LRP2: variants seen among roughly 807,000 people sequenced by gnomAD.
LRP2 encodes LDL receptor related protein 2.
In LRP2, 172 loss-of-function variants were observed where a neutral mutation model predicts 531.0. The ratio of observed to expected loss-of-function variants is 0.32; its 90% CI spans 0.29 to 0.37. The LOEUF is 0.37. LRP2 is among the 10% of genes least tolerant of loss of function. The pLI is 1.00. For synonymous variants in LRP2, 1,992 were observed against 2,027.6 expected (o/e 0.98, Z 0.47); for missense variants, 5,167 against 5,868.3 (o/e 0.88, Z 3.90).
At chr2:169,277,351 A>C (rs371925347) in intron 13 of LRP2, among the ~76,000 whole-genome samples, 1 of 152,218 alleles carries the variant, frequency 6.6e-6, no homozygotes, top group African/African-American at 2.4e-5. Flanking sequence ...AGTAGGCAAC[A>C]TCAAATACCT....
In LRP2 at chr2:169,241,299, G is replaced by A. The variant is rs748030992; in HGVS notation, c.3734C>T (p.Pro1245Leu). ...ATGCCCATCACATTCCCAGAAGTTC[G>A]GGATGCAGATACCATCTTCTTGGCA... is the stretch of plus-strand genomic sequence containing the variant. The part of the protein sequence containing the change: ...FQCQEDGICI[P>L]NFWECDGHPD... The change falls in exon 25 of 79, where the codon CCG becomes CTG. Residue 1245 changes from proline to leucine, a missense_variant. By Grantham distance (98) the Pro-to-Leu change is moderately conservative (BLOSUM62 -3). Coordinates refer to ENST00000649046, the MANE Select transcript of LRP2 (RefSeq NM_004525.3). The A allele has an allele frequency of 1.7e-5, 28 of 1,614,130 alleles. No homozygotes were observed. Among genetic ancestry groups the A allele is most frequent in the East Asian group, 1.6e-4 (7 of 44,876 alleles).
intron 77 of LRP2, 101 bp downstream of exon 77, chr2:169,132,473 A>G: frequency 1.3e-6 from 1 of 763,820 alleles, no homozygotes; most frequent in Non-Finnish European, 2.4e-6. Context: ...GAGATCTTTG[A>G]GCCTTCCAGA....
intron 41 of LRP2, among the ~76,000 whole-genome samples, chr2:169,205,140 GC>G (rs1312708491): frequency 6.6e-6 from 1 of 151,868 alleles, no homozygotes. Flanking sequence ...AGATTTTATA[GC>G]AGTTACCTAG....
intron 37 of LRP2, among the ~76,000 whole-genome samples, chr2:169,211,735 A>G (rs1448323458): frequency 5.9e-5 from 9 of 152,168 alleles, no homozygotes; most frequent in Non-Finnish European, 1.2e-4. Context: ...CTAGACTACA[A>G]AATCAGAAAA....
chr2:169,232,702 G>A (rs989875000), intron 30 of LRP2, among the ~76,000 whole-genome samples: 30 of 152,148 alleles, frequency 2.0e-4, no homozygotes, highest in African/African-American at 7.0e-4. Flanking sequence ...CAGAGATCTG[G>A]AAGAGAGATG....
At position 169,284,256 on chromosome 2, in the gene LRP2, CTTTTT is replaced by C. The variant is rs1216987363; in HGVS notation, c.1043-1260_1043-1256del. 9.3e-5 allele frequency among the ~76,000 whole-genome samples: 9 copies of C among 96,650 alleles called. No homozygotes were observed. The East Asian group carries it at 1.1e-3, about 12-fold the overall frequency. 63.4% of individuals were successfully genotyped at this position (96,650 alleles called of 152,430 possible). On this transcript the variant is annotated intron_variant, in intron 9 of 78. Transcript: ENST00000649046. ...CTTTTCTTTTCTTTTTCTTTTTTTT[CTTTTT>C]TTTTTTTTTTTTTTTTTTTTTGAGA...
chr2:169,195,430 G>A (rs1687973455), intron 46 of LRP2, among the ~76,000 whole-genome samples: 2 of 152,116 alleles, frequency 1.3e-5, no homozygotes, highest in Admixed American at 6.5e-5. Flanking sequence ...TTTGAGGAGT[G>A]AGGGGATTGG....
intron 55 of LRP2, 21 bp downstream of exon 55, chr2:169,175,172 G>T: frequency 6.2e-7 from 1 of 1,611,580 alleles, no homozygotes; most frequent in Non-Finnish European, 8.5e-7. Flanking sequence ...GGAAAAAGAG[G>T]CATAAAGCGA....
At chr2:169,162,953 T>C (rs948662742) in intron 62 of LRP2, among the ~76,000 whole-genome samples, 1 of 152,264 alleles carries the variant, frequency 6.6e-6, no homozygotes, top group African/African-American at 2.4e-5. Context: ...TAAGGCTTCA[T>C]TATGTTACAC....
intron 17 of LRP2, among the ~76,000 whole-genome samples, chr2:169,258,452 T>G (rs544742681): frequency 1.6e-4 from 24 of 152,174 alleles, no homozygotes; most frequent in African/African-American, 5.5e-4. Flanking sequence ...ATACAACACA[T>G]AGCTCAGATT....
intron 4 of LRP2, among the ~76,000 whole-genome samples, chr2:169,300,101 C>T (rs923299806): frequency 9.9e-5 from 15 of 152,024 alleles, no homozygotes; most frequent in African/African-American, 2.9e-4. Context: ...TAGCAATTCC[C>T]ACAGCATTTT....
At chr2:169,361,820 AC>A (rs1686172400) in intron 1 of LRP2, among the ~76,000 whole-genome samples, 1 of 152,168 alleles carries the variant, frequency 6.6e-6, no homozygotes, top group Non-Finnish European at 1.5e-5. Context: ...TCTGGGGGTC[AC>A]CGCGGGACCA....
At chr2:169,137,175 A>G (rs946899601) in intron 76 of LRP2, among the ~76,000 whole-genome samples, 1 of 152,166 alleles carries the variant, frequency 6.6e-6, no homozygotes, top group Non-Finnish European at 1.5e-5. Context: ...TGGCTGCCAA[A>G]CCTCCACCAC....
intron 9 of LRP2, among the ~76,000 whole-genome samples, chr2:169,288,131 C>T (rs1683906531): frequency 1.3e-5 from 2 of 151,964 alleles, no homozygotes; most frequent in South Asian, 2.1e-4. Context: ...CTTTAAACTC[C>T]CTCTGTGATC....
chr2:169,247,296 G>A, intron 20 of LRP2, 82 bp downstream of exon 20: 2 of 1,384,086 alleles, frequency 1.4e-6, no homozygotes, highest in Admixed American at 1.8e-5. Context: ...TAAGTAATAA[G>A]TACTTAAAGA....
intron 29 of LRP2, among the ~76,000 whole-genome samples, chr2:169,235,038 G>C (rs766533450): frequency 6.6e-6 from 1 of 150,508 alleles, no homozygotes; most frequent in East Asian, 2.0e-4. Flanking sequence ...AGCCTCCCAA[G>C]TAGTTGGGAC....
In LRP2 at chr2:169,228,264, C is replaced by A. The variant is rs568685469; in HGVS notation, c.5228-1676G>T. On this transcript the variant is annotated intron_variant, in intron 31 of 78. Transcript: ENST00000649046. ...AAATACCGCAGGCCAGGTACTATTT[C>A]TTGAGTATCAAATTACCACTCATTT... 3.4e-5 allele frequency among the ~76,000 whole-genome samples: 5 copies of A among 147,854 alleles called. No homozygotes were observed. In the Admixed American group the frequency reaches 3.4e-4, roughly 10 times the overall value.
intron 23 of LRP2, 125 bp downstream of exon 23, chr2:169,243,278 C>T (rs1689877512): frequency 6.0e-6 from 7 of 1,169,430 alleles, no homozygotes; most frequent in East Asian, 4.9e-5. Flanking sequence ...TAATGCCATC[C>T]CTTCTCTAGC....
chr2:169,190,600 AT>A (rs1687795817), intron 48 of LRP2, among the ~76,000 whole-genome samples: 1 of 152,132 alleles, frequency 6.6e-6, no homozygotes, highest in African/African-American at 2.4e-5. Flanking sequence ...CCTACTTAGT[AT>A]ATCTTTCCCA....
Sources: allele counts gnomAD v4.1 joint callset (sites outside exome capture counted in the v4.1 genomes callset), GRCh38; gene constraint gnomAD v4.1.1; transcripts MANE v1.5; gene names NCBI Gene and HGNC (gene_info 2026-07-23, HGNC 2026-07-21).